The following UBN2 variants were observed in gnomAD, a reference collection of about 807,000 sequenced individuals.
UBN2 encodes the protein ubinuclein-2.
Under a neutral mutation model 120.2 loss-of-function variants are expected in UBN2, and 35 were observed. The observed-to-expected ratio is 0.29, with a 90% CI of 0.22 to 0.39. The LOEUF is 0.39. Ranked by LOEUF, UBN2 falls within the 10% of genes least tolerant of loss-of-function variation. The pLI is 1.00. For synonymous variants in UBN2, 661 were observed against 648.7 expected, an observed-to-expected ratio of 1.02 and a Z score of -0.29; for missense variants, 1,693 against 1,663.2, an observed-to-expected ratio of 1.02 and a Z score of -0.31.
Position 139,304,944 on chromosome 7 carries a change from A to C in UBN2, c.*7108A>C, listed in dbSNP as rs1334233154. 2.0e-5 allele frequency: 3 copies of C among 152,194 alleles called. No individual in the cohort carries two copies. Among genetic ancestry groups the C allele is most frequent in the Non-Finnish European group, 4.4e-5 (3 of 68,032 alleles). 9.4% of individuals were successfully genotyped at this position (152,194 alleles called of 1,614,324 possible). ...TGTGTTTGTTCTTCTAGGGAAAATT[A>C]ACAGAAGCATAAAATAGAGATACTT... On this transcript the variant is annotated 3_prime_UTR_variant, in exon 18 of 18. Transcript: ENST00000473989.
Position 139,231,773 on chromosome 7 carries a change from C to T in UBN2, c.289C>T (p.Pro97Ser), listed in dbSNP as rs1444054247. ...QREPPRPEPP[P>S]PFPPLPLQPP... ...GGAGCCCCCGCGGCCCGAGCCGCCG[C>T]CGCCGTTCCCGCCGCTGCCCTTGCA... Residue 97 changes from proline (P) to serine (S), a missense_variant, in exon 1 of 18, where the codon CCG (proline) becomes TCG (serine). Physicochemically the swap from Pro to Ser is moderately conservative, Grantham distance 74 (BLOSUM62 -1). Transcript: ENST00000473989. The T allele has an allele frequency of 5.5e-6, 7 of 1,269,150 alleles. No homozygotes were observed. Among genetic ancestry groups the T allele is most frequent in the African/African-American group, 3.1e-5 (2 of 63,746 alleles). The allele number at this position is 1,269,150 out of a possible 1,614,324, so 78.6% of individuals were successfully genotyped here.
At chr7:139,276,358 G>T in intron 12 of UBN2, 1 of 529,046 alleles carries the variant, frequency 1.9e-6, no homozygotes, top group Non-Finnish European at 3.4e-6. Flanking sequence ...ACACATAATG[G>T]CCTGGGATTC....
At chr7:139,254,222 G>A (rs1182156552) in intron 3 of UBN2, among the ~76,000 whole-genome samples, 5 of 152,144 alleles carry the variant, frequency 3.3e-5, no homozygotes, top group Non-Finnish European at 4.4e-5. Flanking sequence ...GAACCCGGGA[G>A]GCGGAGCTTG....
chr7:139,273,223 A>ATATTATAT lies in UBN2; in HGVS notation c.1716-74_1716-73insTATTATAT. On this transcript the variant is annotated intron_variant, in intron 9 of 17. Transcript: ENST00000473989. ...TTAACATTCCATTAAGCAATTCAGC[A>ATATTATAT]AGTATTTATGGAGCATATTATATAG... is the stretch of plus-strand genomic sequence containing the variant. 5.6e-6 allele frequency: 5 copies of ATATTATAT among 888,624 alleles called. No homozygotes were observed. In the South Asian group the frequency reaches 1.2e-4, roughly 21 times the overall value. The allele number at this position is 888,624 out of a possible 1,614,324, so 55.0% of individuals were successfully genotyped here. A position where few individuals can be genotyped will look rare whatever the true frequency, so the allele number is the denominator to read the frequency against.
chr7:139,232,042 C>G (rs1340476127), intron 1 of UBN2, 90 bp downstream of exon 1: 1 of 1,317,212 alleles, frequency 7.6e-7, no homozygotes, highest in Non-Finnish European at 1.0e-6. Flanking sequence ...GGACGCCCAC[C>G]GAGCGCGTCC....
intron 5 of UBN2, 56 bp downstream of exon 5, chr7:139,259,426 C>T: frequency 6.3e-7 from 1 of 1,593,522 alleles, no homozygotes; most frequent in Admixed American, 1.8e-5. Context: ...CTGTCTCTCC[C>T]TTTAGAAAGA....
rs1797707279 is a variant in UBN2, at chr7:139,284,174, G to C, written c.3269G>C (p.Ser1090Thr). The C allele has an allele frequency of 6.2e-7, 1 of 1,613,938 alleles. No individual in the cohort carries two copies. The highest frequency in any genetic ancestry group is 1.3e-5 in the African/African-American group (1 of 74,846). Residue 1090 changes from serine (S) to threonine (T), a missense_variant, in exon 15 of 18, where the codon AGT becomes ACT. Ser to Thr is a moderately conservative substitution (Grantham distance 58, BLOSUM62 1). Around this residue, in one of 5 missense-constraint regions of UBN2, gnomAD observed 837 missense variants for 817.6 expected, o/e 1.02. Coordinates refer to ENST00000473989, the MANE Select transcript of UBN2 (RefSeq NM_173569.4). Reference protein sequence around the residue: ...NPTPKPTVSPSSSSPNALVAQ... With the variant: ...NPTPKPTVSPTSSSPNALVAQ... Reference sequence around the variant, plus strand: ...ACTCCCAAGCCTACTGTATCCCCAAGTAGTTCCAGTCCAAATGCACTAGTT... The same window carrying C: ...ACTCCCAAGCCTACTGTATCCCCAACTAGTTCCAGTCCAAATGCACTAGTT...
chr7:139,269,570 TA>T, intron 8 of UBN2, 47 bp downstream of exon 8: 1 of 1,596,942 alleles, frequency 6.3e-7, no homozygotes, highest in Non-Finnish European at 8.5e-7. Context: ...TCATAACCTG[TA>T]AAGATACTTG....
intron 13 of UBN2, among the ~76,000 whole-genome samples, chr7:139,281,522 C>A (rs546770538): frequency 6.6e-6 from 1 of 152,274 alleles, no homozygotes; most frequent in South Asian, 2.1e-4. Context: ...ATCCATACAT[C>A]CATCCATCTA....
chr7:139,310,335 A>AG (rs570254576), downstream of UBN2, among the ~76,000 whole-genome samples: 173 of 151,694 alleles, frequency 1.1e-3, no homozygotes, highest in African/African-American at 4.0e-3. Flanking sequence ...TATATTTGGT[A>AG]GGGGAAAAAA....
the UBN2 span, among the ~76,000 whole-genome samples, chr7:139,323,259 G>A: frequency 1.3e-5 from 2 of 152,108 alleles, no homozygotes; most frequent in African/African-American, 4.8e-5. Flanking sequence ...TTCGAGATCA[G>A]CCTGGCCAAC....
chr7:139,271,307 T>G (rs549593757), intron 8 of UBN2, among the ~76,000 whole-genome samples: 175 of 152,240 alleles, frequency 1.1e-3, no homozygotes, highest in African/African-American at 4.2e-3. Context: ...AAACAGTTGT[T>G]TTGGCTGAGT....
At chr7:139,290,450 AAAAG>A (rs1321019996) in intron 15 of UBN2, among the ~76,000 whole-genome samples, 9 of 152,214 alleles carry the variant, frequency 5.9e-5, no homozygotes, top group South Asian at 2.1e-4. Context: ...ATTTTGGTAA[AAAAG>A]AAAGAATGGG....
rs771830607 is a variant in UBN2 at position 139,293,369 on chromosome 7, T to A, written c.3807T>A (p.Phe1269Leu). ...GLVPVTMPFQ[F>L]PLEIFGFGTD... Reference sequence around the variant, plus strand: ...TTCCAGTGACCATGCCCTTCCAGTTTCCCTTGGAGATATTTGGCTTTGGAA... The same window carrying A: ...TTCCAGTGACCATGCCCTTCCAGTTACCCTTGGAGATATTTGGCTTTGGAA... The change falls in exon 16 of 18, where the codon TTT (phenylalanine) becomes TTA (leucine). Residue 1269 changes from phenylalanine (F) to leucine (L), a missense_variant. Coordinates refer to ENST00000473989, the MANE Select transcript of UBN2 (RefSeq NM_173569.4). The A allele has an allele frequency of 1.1e-5, 17 of 1,614,140 alleles. No individual in the cohort carries two copies. The highest frequency in any genetic ancestry group is 1.4e-5 in the Non-Finnish European group (16 of 1,180,010).
chr7:139,245,357 G>A lies in UBN2; in HGVS notation c.562-6599G>A, dbSNP rs545826568. ...CCTTATACCTGTAAGATCATTTTGA[G>A]GGGAAGCATTTTGGTCAGATTAATA... On this transcript the variant is annotated intron_variant, in intron 2 of 17. Coordinates refer to ENST00000473989, the MANE Select transcript of UBN2 (RefSeq NM_173569.4). Among the ~76,000 whole-genome samples the A allele has an allele frequency of 1.1e-4, 17 of 152,162 alleles. 1 individual carries two copies. Among genetic ancestry groups the A allele is most frequent in the African/African-American group, 4.1e-4 (17 of 41,518 alleles).
intron 11 of UBN2, among the ~76,000 whole-genome samples, chr7:139,274,912 A>G (rs1233946239): frequency 6.6e-6 from 1 of 152,126 alleles, no homozygotes; most frequent in Non-Finnish European, 1.5e-5. Context: ...AAAATAAGTA[A>G]ATAAATAAGA....
At chr7:139,250,991 C>G (rs980018612) in intron 2 of UBN2, among the ~76,000 whole-genome samples, 1 of 151,810 alleles carries the variant, frequency 6.6e-6, no homozygotes, top group African/African-American at 2.4e-5. Flanking sequence ...ACCTGTAGTC[C>G]CACTTACGAG....
chr7:139,231,859 G>T lies in UBN2; in HGVS notation c.375G>T (p.Glu125Asp). 6.4e-7 allele frequency: 1 copy of T among 1,558,096 alleles called. No homozygotes were observed. The highest frequency in any genetic ancestry group is 8.6e-7 in the Non-Finnish European group (1 of 1,159,138). ...AGCAGCCGCCGCGGCCGCCGAGGGA[G>T]ACGGTGCGCCTGGAGCTGGTGCTTA... ...RAEQPPRPPRETVRLELVLKD... is the reference protein window; with the variant it reads ...RAEQPPRPPRDTVRLELVLKD... The change falls in exon 1 of 18, where the codon GAG becomes GAT. Residue 125 changes from glutamate to aspartate, a missense_variant. This residue lies in a region of UBN2 where 663 missense variants were observed against 591.2 expected (regional missense o/e 1.12). Coordinates refer to ENST00000473989, the MANE Select transcript of UBN2 (RefSeq NM_173569.4).
At chr7:139,310,861 T>TAG (rs1798438665), downstream of UBN2, among the ~76,000 whole-genome samples, 1 of 152,214 alleles carries the variant, frequency 6.6e-6, no homozygotes, top group Non-Finnish European at 1.5e-5. Context: ...CATCAGCACA[T>TAG]AGAGGTCTGT....
Sources: gnomAD v4.1 joint callset for allele counts (sites outside exome capture counted in the v4.1 genomes callset) on GRCh38, gnomAD v4.1.1 for gene constraint, gnomAD v4.1.1 regional missense constraint, MANE v1.5 for transcripts, NCBI Gene and HGNC (gene_info 2026-07-23, HGNC 2026-07-21) for gene names.